The following AGA variants were observed in gnomAD, a reference collection of about 807,000 sequenced individuals.
The protein encoded by AGA is aspartylglucosaminidase.
AGA carries 31 observed loss-of-function variants against 40.1 expected under a neutral mutation model. The ratio of observed to expected loss-of-function variants is 0.77; its 90% confidence interval spans 0.58 to 1.04. The LOEUF is 1.04. AGA is among the 50% of genes least tolerant of loss of function. The probability of loss-of-function intolerance (pLI) is 0.00; values close to 1 mark genes in which losing one functional copy is unlikely to be tolerated. For synonymous variants in AGA, 148 were observed against 144.0 expected, an observed-to-expected ratio of 1.03 and a Z score of -0.20; for missense variants, 445 against 435.4, an observed-to-expected ratio of 1.02 and a Z score of -0.20.
At chr4:177,438,319 C>G (rs977203858) in intron 4 of AGA, among the ~76,000 whole-genome samples, 6 of 152,118 alleles carry the variant, frequency 3.9e-5, no homozygotes, top group Admixed American at 3.3e-4. Context: ...AAAAATTATT[C>G]CACTGGTAAC....
chr4:177,436,483 A>G (rs954142522), intron 5 of AGA, 132 bp from the exon 6 acceptor site: 2 of 767,550 alleles, frequency 2.6e-6, no homozygotes, highest in Admixed American at 4.1e-5. Flanking sequence ...TCAACATCCT[A>G]TTCCACAAGG....
rs751071150 is a variant in AGA at position 177,440,395 on chromosome 4, G to C, written c.159C>G (p.Ala53=). The change falls in exon 2 of 9, where the codon GCC becomes GCG. Residue 53 remains alanine (A), a synonymous_variant. Transcript: ENST00000264595. ...AWRALASGGS[A]LDAVESGCAM... is the part of the protein sequence containing the mutation. The stretch of plus-strand genomic sequence containing the variant: ...CACAGCCGCTCTCCACTGCATCCAG[G>C]GCAGAGCCTCCAGATGCTAATGCCC... 1.2e-6 allele frequency: 2 copies of C among 1,613,868 alleles called. No individual in the cohort carries two copies. The highest frequency in any genetic ancestry group is 1.7e-6 in the Non-Finnish European group (2 of 1,180,022).
chr4:177,436,640 C>A (rs915172872), intron 5 of AGA, among the ~76,000 whole-genome samples: 1 of 152,220 alleles, frequency 6.6e-6, no homozygotes, highest in Non-Finnish European at 1.5e-5. Context: ...AAGACGCCAT[C>A]CATGAGCCAG....
At chr4:177,434,626 G>T in intron 6 of AGA, 137 bp from the exon 7 acceptor site, 1 of 712,926 alleles carries the variant, frequency 1.4e-6, no homozygotes, top group Non-Finnish European at 2.5e-6. Flanking sequence ...AACAAAGACA[G>T]AACAGGTCTT....
chr4:177,442,139 GC>G (rs1311005984), intron 1 of AGA, 109 bp downstream of exon 1: 9 of 1,509,488 alleles, frequency 6.0e-6, no homozygotes, highest in Admixed American at 2.0e-5. Context: ...GCCCGGCCCA[GC>G]CCGGCGCTCT....
In AGA at chr4:177,440,261, C is replaced by T. The variant is rs754261269; in HGVS notation, c.281+12G>A. The stretch of plus-strand genomic sequence containing the variant: ...CTCAACATAATAAATAGGACCTGAA[C>T]GGTGTTCTTACCCATCCATGATCAT... On this transcript the variant is annotated intron_variant, in intron 2 of 8. Transcript: ENST00000264595. 2.1e-5 allele frequency: 34 copies of T among 1,613,516 alleles called. No homozygotes were observed. Among genetic ancestry groups the T allele is most frequent in the Middle Eastern group, 1.6e-4 (1 of 6,084 alleles).
rs369967348 is a variant in AGA at position 177,434,396 on chromosome 4, C to T, written c.792G>A (p.Met264Ile). The change falls in exon 7 of 9, where the codon ATG becomes ATA. Residue 264 changes from methionine to isoleucine, a missense_variant. Physicochemically the swap from Met to Ile is conservative, Grantham distance 10 (BLOSUM62 1). Coordinates refer to ENST00000264595, the MANE Select transcript of AGA (RefSeq NM_000027.4). Reference sequence around the variant, plus strand: ...AGAAGTCATACCTTGGCAGGAAGCGCATCAATATATCACCATTCCCAGTGG... The same window carrying T: ...AGAAGTCATACCTTGGCAGGAAGCGTATCAATATATCACCATTCCCAGTGG... ...AAATGNGDILMRFLPSYQAVE... is the reference protein window; with the variant it reads ...AAATGNGDILIRFLPSYQAVE... 6.9e-5 allele frequency: 111 copies of T among 1,614,076 alleles called. No individual in the cohort carries two copies. The African/African-American group carries it at 1.2e-3, about 18-fold the overall frequency.
intron 1 of AGA, 105 bp downstream of exon 1, chr4:177,442,144 G>C: frequency 6.5e-7 from 1 of 1,526,732 alleles, no homozygotes. Context: ...GCCCAGCCCG[G>C]CGCTCTTCCG....
At chr4:177,442,166 G>A (rs1049964107) in intron 1 of AGA, 83 bp downstream of exon 1, 6 of 1,583,434 alleles carry the variant, frequency 3.8e-6, no homozygotes, top group African/African-American at 2.7e-5. Context: ...CCGCCCTGCC[G>A]GGTGACTGCA....
chr4:177,435,872 CA>C, intron 6 of AGA, among the ~76,000 whole-genome samples: 1 of 151,378 alleles, frequency 6.6e-6, no homozygotes, highest in African/African-American at 2.4e-5. Flanking sequence ...CACACACACA[CA>C]CCCCTTCTTT....
intron 1 of AGA, 136 bp downstream of exon 1, chr4:177,442,113 A>G: frequency 7.7e-7 from 1 of 1,301,342 alleles, no homozygotes; most frequent in Non-Finnish European, 1.1e-6. Flanking sequence ...GAAGACCTAG[A>G]GGGCGGGACC....
intron 4 of AGA, among the ~76,000 whole-genome samples, chr4:177,438,498 A>G (rs1342852144): frequency 6.6e-6 from 1 of 152,228 alleles, no homozygotes; most frequent in East Asian, 1.9e-4. Flanking sequence ...CCACCTCCAC[A>G]TGGCAGAAAC....
chr4:177,431,004 C>A lies in AGA; in HGVS notation c.*704G>T, dbSNP rs1241367428. The A allele has an allele frequency of 8.8e-6, 4 of 453,852 alleles. No individual in the cohort carries two copies. The highest frequency in any genetic ancestry group is 1.8e-5 in the Non-Finnish European group (4 of 226,758). The allele number at this position is 453,852 out of a possible 1,614,324, so 28.1% of individuals were successfully genotyped here. On this transcript the variant is annotated 3_prime_UTR_variant, in exon 9 of 9. Transcript: ENST00000264595. ...AAATTACAGTACAGATCAAGTTCCC[C>A]AAATCATTTTTAAAAGAAACGATCA... is the stretch of plus-strand genomic sequence containing the variant.
At chr4:177,439,525 A>G in intron 3 of AGA, 51 bp downstream of exon 3, 3 of 1,314,210 alleles carry the variant, frequency 2.3e-6, no homozygotes, top group Non-Finnish European at 2.2e-6. Context: ...TTTTTCAGTG[A>G]AAACTATAGT....
chr4:177,440,121 TGA>T, intron 2 of AGA, 150 bp downstream of exon 2: 2 of 920,262 alleles, frequency 2.2e-6, no homozygotes, highest in Admixed American at 2.1e-5. Context: ...TTTTTTCAGT[TGA>T]GAGGGAAACT....
rs996579112 is a variant in AGA, at chr4:177,439,928, C to A, written c.282-240G>T. ...CACTAAAATTCTCAGTTTCTCCAAG[C>A]TAATTTTAAATATGGCTTTTGAAAG... On this transcript the variant is annotated intron_variant, in intron 2 of 8. Transcript: ENST00000264595. The A allele has an allele frequency of 2.5e-5, 15 of 589,958 alleles. No individual in the cohort carries two copies. In the Admixed American group the frequency reaches 3.0e-4, roughly 12 times the overall value. The allele number at this position is 589,958 out of a possible 1,614,324, so 36.5% of individuals were successfully genotyped here.
rs758423275 is a variant in AGA at position 177,442,318 on chromosome 4, G to A, written c.58C>T (p.Leu20=). 1 of 1,614,130 alleles carries A rather than the reference G, an allele frequency of 6.2e-7. No individual in the cohort carries two copies. Among genetic ancestry groups the A allele is most frequent in the Non-Finnish European group, 8.5e-7 (1 of 1,179,960 alleles). Residue 20 remains leucine (L), a synonymous_variant, in exon 1 of 9, where the codon CTA becomes TTA. Transcript: ENST00000264595. ...LLVPFLLCQA[L]VRCSSPLPLV... ...GGCAGAGGGCTGGAGCAGCGCACTA[G>A]GGCCTGGCAGAGCAGAAACGGCACG...
intron 4 of AGA, among the ~76,000 whole-genome samples, 169 bp from the exon 5 acceptor site, chr4:177,437,688 A>C (rs1736870715): frequency 6.6e-6 from 1 of 152,236 alleles, no homozygotes. Flanking sequence ...AAAACAAATA[A>C]GATAAATAAT....
chr4:177,442,032 T>C (rs189780115), intron 1 of AGA, among the ~76,000 whole-genome samples: 2 of 152,236 alleles, frequency 1.3e-5, no homozygotes, highest in African/African-American at 4.8e-5. Flanking sequence ...GGACCTAAAA[T>C]GCAACAGCGG....
Sources: allele counts gnomAD v4.1 joint callset (sites outside exome capture counted in the v4.1 genomes callset), GRCh38; gene constraint gnomAD v4.1.1; transcripts MANE v1.5; gene names NCBI Gene and HGNC (gene_info 2026-07-23, HGNC 2026-07-21).